The following SUGCT variants were observed in gnomAD, a reference collection of about 807,000 sequenced individuals.
The protein encoded by SUGCT is succinyl-CoA:glutarate CoA-transferase.
A neutral mutation model predicts 55.0 loss-of-function variants in SUGCT; 41 were observed. The observed-to-expected ratio is 0.74, with a 90% confidence interval of 0.58 to 0.97. The LOEUF (loss-of-function observed/expected upper bound fraction) is 0.97, where lower values mean the gene tolerates loss of function less well. SUGCT is among the 50% of genes least tolerant of loss of function. SUGCT has a pLI of 0.00. For synonymous variants in SUGCT, 187 were observed against 200.4 expected, an observed-to-expected ratio of 0.93 and a Z score of 0.56; for missense variants, 568 against 547.8, an observed-to-expected ratio of 1.04 and a Z score of -0.37.
chr7:40,794,608 C>G (rs989662791), intron 13 of SUGCT, among the ~76,000 whole-genome samples: 7 of 152,252 alleles, frequency 4.6e-5, no homozygotes, highest in African/African-American at 1.4e-4. Flanking sequence ...AAAGTATTGA[C>G]AGATGCTCCT....
At chr7:40,316,123 CA>C (rs1795418739) in intron 8 of SUGCT, among the ~76,000 whole-genome samples, 1 of 152,046 alleles carries the variant, frequency 6.6e-6, no homozygotes, top group Non-Finnish European at 1.5e-5. Flanking sequence ...GGGCTAGGAA[CA>C]AATTGGGAGA....
chr7:40,995,711 A>G, the SUGCT span, among the ~76,000 whole-genome samples: 7 of 151,928 alleles, frequency 4.6e-5, no homozygotes, highest in Admixed American at 1.3e-4. Flanking sequence ...TAGCATTTCT[A>G]TATGTGGAGA....
rs150821496 is a variant in SUGCT, at chr7:40,314,884, C to G, written c.721-1876C>G. On this transcript the variant is annotated intron_variant, in intron 8 of 13. Coordinates refer to ENST00000335693, the MANE Select transcript of SUGCT (RefSeq NM_001193313.2). ...CGGCCCCTCTTGTCTTTTTATCTGC[C>G]AGATTGTTAAGAGGAATAATAGAGC... Among the ~76,000 whole-genome samples, 3 of 152,130 alleles carry G rather than the reference C, an allele frequency of 2.0e-5. No homozygotes were observed. In the East Asian group the frequency reaches 5.8e-4, roughly 29 times the overall value.
chr7:40,413,364 T>A (rs940159517), intron 9 of SUGCT, among the ~76,000 whole-genome samples: 2 of 152,160 alleles, frequency 1.3e-5, no homozygotes, highest in East Asian at 3.9e-4. Context: ...TCCTGCCTGC[T>A]GTTTCAGGCA....
intron 7 of SUGCT, among the ~76,000 whole-genome samples, chr7:40,251,975 G>GA (rs1479645860): frequency 2.0e-5 from 3 of 151,432 alleles, no homozygotes; most frequent in South Asian, 2.1e-4. Context: ...ATGTTTTTGA[G>GA]AAAAAAATGT....
chr7:41,010,456 A>G, the SUGCT span, among the ~76,000 whole-genome samples: 1 of 152,358 alleles, frequency 6.6e-6, no homozygotes, highest in African/African-American at 2.4e-5. Context: ...GGCATAGAGA[A>G]TGGAAGGTAG....
chr7:40,192,604 T>C (rs919645619), intron 5 of SUGCT, among the ~76,000 whole-genome samples: 3 of 151,452 alleles, frequency 2.0e-5, no homozygotes, highest in Non-Finnish European at 2.9e-5. Context: ...TTTTGCTATA[T>C]AGCATGCAGT....
At chr7:40,821,983 C>G (rs1171232711) in intron 13 of SUGCT, among the ~76,000 whole-genome samples, 1 of 152,158 alleles carries the variant, frequency 6.6e-6, no homozygotes, top group African/African-American at 2.4e-5. Flanking sequence ...TCATTGGTTT[C>G]AAAGAACATC....
the SUGCT span, among the ~76,000 whole-genome samples, chr7:41,031,104 A>G: frequency 6.6e-6 from 1 of 152,222 alleles, no homozygotes; most frequent in East Asian, 1.9e-4. Flanking sequence ...TAGGACCACA[A>G]ATGCAAGCCA....
chr7:41,017,755 A>G, the SUGCT span, among the ~76,000 whole-genome samples: 1 of 139,718 alleles, frequency 7.2e-6, no homozygotes, highest in Non-Finnish European at 1.5e-5. Flanking sequence ...TGGGTAACAG[A>G]GTGAGAGTCC....
intron 12 of SUGCT, among the ~76,000 whole-genome samples, chr7:40,550,021 A>G (rs559565887): frequency 6.6e-6 from 1 of 152,304 alleles, no homozygotes; most frequent in South Asian, 2.1e-4. Context: ...ATAGATTGCA[A>G]GGGCTAGACA....
chr7:40,928,063 T>G, the SUGCT span, among the ~76,000 whole-genome samples: 2 of 152,012 alleles, frequency 1.3e-5, no homozygotes, highest in Non-Finnish European at 2.9e-5. Flanking sequence ...ATTATTTATT[T>G]TTTCCTAAAA....
chr7:40,935,597 T>C, the SUGCT span, among the ~76,000 whole-genome samples: 1 of 152,256 alleles, frequency 6.6e-6, no homozygotes, highest in Admixed American at 6.5e-5. Flanking sequence ...ATTTATTTTA[T>C]GGCCGAATAA....
chr7:40,425,541 A>G (rs1277502096), intron 9 of SUGCT, among the ~76,000 whole-genome samples: 2 of 152,030 alleles, frequency 1.3e-5, no homozygotes, highest in African/African-American at 4.8e-5. Flanking sequence ...AGAAATGAAA[A>G]CCTGTTTCAG....
At chr7:41,007,165 T>C in the SUGCT span, among the ~76,000 whole-genome samples, 2 of 152,154 alleles carry the variant, frequency 1.3e-5, no homozygotes, top group African/African-American at 4.8e-5. Context: ...ATTTCCATTT[T>C]AACTTTGATG....
intron 9 of SUGCT, among the ~76,000 whole-genome samples, chr7:40,317,704 A>G (rs957590811): frequency 1.3e-5 from 2 of 152,244 alleles, no homozygotes; most frequent in Non-Finnish European, 2.9e-5. Flanking sequence ...TTCATTTGCC[A>G]GGAAATTCAT....
At chr7:40,312,533 G>C (rs979496682) in intron 8 of SUGCT, among the ~76,000 whole-genome samples, 3 of 152,100 alleles carry the variant, frequency 2.0e-5, no homozygotes, top group Non-Finnish European at 4.4e-5. Context: ...AATTCCATAG[G>C]TGACTGGGGG....
intron 9 of SUGCT, among the ~76,000 whole-genome samples, chr7:40,386,719 G>T (rs1785148348): frequency 6.6e-6 from 1 of 152,186 alleles, no homozygotes; most frequent in Admixed American, 6.5e-5. Context: ...TGATGGGGTT[G>T]GGACTGTTGT....
At chr7:40,712,734 T>C (rs1785791513) in intron 12 of SUGCT, among the ~76,000 whole-genome samples, 1 of 152,236 alleles carries the variant, frequency 6.6e-6, no homozygotes, top group African/African-American at 2.4e-5. Flanking sequence ...TGGAGTCTCT[T>C]ACCTGAGGCC....
Sources: gnomAD v4.1 joint callset for allele counts (sites outside exome capture counted in the v4.1 genomes callset) on GRCh38, gnomAD v4.1.1 for gene constraint, MANE v1.5 for transcripts, NCBI Gene and HGNC (gene_info 2026-07-23, HGNC 2026-07-21) for gene names.